Variants in MLLT1 observed in about 807,000 individuals in gnomAD.
The protein encoded by MLLT1 is protein ENL.
Under a neutral mutation model 55.1 loss-of-function variants are expected in MLLT1, and 11 were observed. That is an observed-to-expected ratio of 0.20 (90% confidence interval 0.13 to 0.33). The LOEUF (loss-of-function observed/expected upper bound fraction) is 0.33. Among genes scored for constraint, MLLT1 ranks in the 10% least tolerant of loss-of-function variants. The probability of loss-of-function intolerance (pLI) is 1.00; values close to 1 mark genes in which losing one functional copy is unlikely to be tolerated. For missense variants in MLLT1, 536 were observed against 760.6 expected (o/e 0.70, Z 3.47); for synonymous variants, 323 against 320.1 (o/e 1.01, Z -0.10).
intron 1 of MLLT1, among the ~76,000 whole-genome samples, chr19:6,272,681 C>A (rs1467931592): frequency 6.6e-6 from 1 of 152,234 alleles, no homozygotes; most frequent in Non-Finnish European, 1.5e-5. Flanking sequence ...TATCTTGAAA[C>A]CACGGGACAG....
Position 6,213,926 on chromosome 19 carries a change from G to T in MLLT1, c.1407+13C>A. On this transcript the variant is annotated intron_variant, in intron 9 of 11. Coordinates refer to ENST00000252674, the MANE Select transcript of MLLT1 (RefSeq NM_005934.4). ...CCTCTGGTGCACCCCCTGCCTGCAG[G>T]CCCCAGGCTCACCTTGCTGTTGGGC... 6.9e-7 allele frequency: 1 copy of T among 1,452,340 alleles called. No homozygotes were observed. The highest frequency in any genetic ancestry group is 9.2e-7 in the Non-Finnish European group (1 of 1,085,044). 90.0% of individuals were successfully genotyped at this position (1,452,340 alleles called of 1,614,324 possible).
At chr19:6,215,540 T>G (rs1354414700) in intron 8 of MLLT1, among the ~76,000 whole-genome samples, 3 of 152,190 alleles carry the variant, frequency 2.0e-5, no homozygotes, top group Non-Finnish European at 4.4e-5. Context: ...CCTGCTGGCC[T>G]GGCGCGCTGC....
At chr19:6,254,841 G>C (rs1407638783) in intron 3 of MLLT1, among the ~76,000 whole-genome samples, 4 of 152,192 alleles carry the variant, frequency 2.6e-5, no homozygotes, top group Non-Finnish European at 5.9e-5. Context: ...ACACTGTGCT[G>C]CATGTTCTAG....
At chr19:6,236,242 C>T (rs2091059814) in intron 3 of MLLT1, among the ~76,000 whole-genome samples, 1 of 152,220 alleles carries the variant, frequency 6.6e-6, no homozygotes, top group East Asian at 1.9e-4. Context: ...TACCGTGTCA[C>T]AGTGTCTGCA....
chr19:6,221,186 C>T (rs1357745604), intron 6 of MLLT1, among the ~76,000 whole-genome samples: 10 of 152,196 alleles, frequency 6.6e-5, no homozygotes, highest in Non-Finnish European at 1.5e-4. Context: ...TCCTTGAGGG[C>T]AAGCCGGACC....
chr19:6,246,670 G>A (rs781681636), intron 3 of MLLT1, among the ~76,000 whole-genome samples: 38 of 152,096 alleles, frequency 2.5e-4, no homozygotes, highest in Non-Finnish European at 3.7e-4. Context: ...AGTGGGAATC[G>A]GAGTGGGGGA....
At chr19:6,245,244 CCTTT>C (rs751504484) in intron 3 of MLLT1, among the ~76,000 whole-genome samples, 1,603 of 146,760 alleles carry the variant, frequency 0.011, 32 homozygotes, top group Non-Finnish European at 0.017. Context: ...TTCCATCTTT[CCTTT>C]CTTTCTTTCT....
chr19:6,216,342 C>T, intron 8 of MLLT1, 63 bp downstream of exon 8: 1 of 1,226,194 alleles, frequency 8.2e-7, no homozygotes, highest in Non-Finnish European at 1.2e-6. Flanking sequence ...ACAATCACTG[C>T]AGACCCAGCC....
rs905149448 is a variant in MLLT1 at position 6,230,276 on chromosome 19, G to T, written c.420+294C>A. ...ACAAGCCAGCTCCAGGCCCAGCCACGCGGTCAGACCAGCCTCGCGCCCATC... is the reference window on the plus strand; with the variant it reads ...ACAAGCCAGCTCCAGGCCCAGCCACTCGGTCAGACCAGCCTCGCGCCCATC... On this transcript the variant is annotated intron_variant, in intron 4 of 11. Coordinates refer to ENST00000252674, the MANE Select transcript of MLLT1 (RefSeq NM_005934.4). This position sits in a 1 kb window ranked among gnomAD's most constrained non-coding sequence, Gnocchi z 9.0. Among the ~76,000 whole-genome samples, 7 of 152,186 alleles carry T rather than the reference G, an allele frequency of 4.6e-5. No individual in the cohort carries two copies.
chr19:6,231,280 G>A lies in MLLT1; in HGVS notation c.277-567C>T, dbSNP rs1417964331. Among the ~76,000 whole-genome samples the A allele has an allele frequency of 6.6e-6, 1 of 152,196 alleles. No homozygotes were observed. Among genetic ancestry groups the A allele is most frequent in the East Asian group, 1.9e-4 (1 of 5,178 alleles). ...CGCACCCTCGCCACCCCAGAAGACA[G>A]GGACGCTCGCCTGGCATGGGGCAGG... On this transcript the variant is annotated intron_variant, in intron 3 of 11. Coordinates refer to ENST00000252674, the MANE Select transcript of MLLT1 (RefSeq NM_005934.4). The surrounding 1 kb of genome is among the most constrained non-coding windows in gnomAD (Gnocchi z 5.1).
At chr19:6,267,330 T>C (rs1568297215) in intron 2 of MLLT1, among the ~76,000 whole-genome samples, 1 of 151,680 alleles carries the variant, frequency 6.6e-6, no homozygotes, top group Non-Finnish European at 1.5e-5. Flanking sequence ...TCTTGAATTC[T>C]TGACCTCAGG....
chr19:6,251,434 AC>A (rs1288248447), intron 3 of MLLT1, among the ~76,000 whole-genome samples: 7 of 152,324 alleles, frequency 4.6e-5, no homozygotes, highest in African/African-American at 1.4e-4. Context: ...TCCATGCTAG[AC>A]GCCAGACGAG....
chr19:6,276,443 G>A (rs1410198601), intron 1 of MLLT1, among the ~76,000 whole-genome samples: 1 of 152,152 alleles, frequency 6.6e-6, no homozygotes, highest in Non-Finnish European at 1.5e-5. Flanking sequence ...TGAGGCAGCT[G>A]CTCTCAAACC....
chr19:6,251,621 C>G (rs2091214984), intron 3 of MLLT1, among the ~76,000 whole-genome samples: 1 of 152,156 alleles, frequency 6.6e-6, no homozygotes, highest in Non-Finnish European at 1.5e-5. Context: ...GTCAACTTGA[C>G]TGAATTAAGA....
chr19:6,221,277 G>A (rs543218193), intron 6 of MLLT1, among the ~76,000 whole-genome samples: 9 of 152,146 alleles, frequency 5.9e-5, no homozygotes, highest in South Asian at 2.1e-4. Flanking sequence ...CATTTTTACC[G>A]GGCCCAGTGT....
chr19:6,225,349 C>T (rs906008184), intron 5 of MLLT1, among the ~76,000 whole-genome samples: 7 of 152,196 alleles, frequency 4.6e-5, no homozygotes, highest in Non-Finnish European at 8.8e-5. Flanking sequence ...GCTCAGGGAG[C>T]CCTGCTGAGG....
At chr19:6,245,538 G>A (rs1023960874) in intron 3 of MLLT1, among the ~76,000 whole-genome samples, 48 of 151,966 alleles carry the variant, frequency 3.2e-4, no homozygotes, top group Non-Finnish European at 4.7e-4. Flanking sequence ...GTGAAACCCC[G>A]TCTCTACTAA....
At position 6,231,793 on chromosome 19, in the gene MLLT1, G is replaced by A. The variant is rs543132718; in HGVS notation, c.277-1080C>T. On this transcript the variant is annotated intron_variant, in intron 3 of 11. Transcript: ENST00000252674. This position sits in a 1 kb window ranked among gnomAD's most constrained non-coding sequence, Gnocchi z 5.1. Reference sequence around the variant, plus strand: ...TGGGATTACAGGTGTGAGCCACCGCGCCCAGCTGAAGCAAGACAATTTCAT... The same window carrying A: ...TGGGATTACAGGTGTGAGCCACCGCACCCAGCTGAAGCAAGACAATTTCAT... Among the ~76,000 whole-genome samples, 3 of 152,088 alleles carry A rather than the reference G, an allele frequency of 2.0e-5. No homozygotes were observed. Among genetic ancestry groups the A allele is most frequent in the Non-Finnish European group, 2.9e-5 (2 of 68,012 alleles).
At chr19:6,215,166 C>T (rs962436293) in intron 8 of MLLT1, among the ~76,000 whole-genome samples, 3 of 152,232 alleles carry the variant, frequency 2.0e-5, no homozygotes, top group African/African-American at 7.2e-5. Context: ...CTCCCTGCCC[C>T]GGCAACGCAG....
Sources: allele counts gnomAD v4.1 joint callset (sites outside exome capture counted in the v4.1 genomes callset), GRCh38; gene constraint gnomAD v4.1.1; non-coding constraint Gnocchi (gnomAD v3.1); transcripts MANE v1.5; gene names NCBI Gene and HGNC (gene_info 2026-07-23, HGNC 2026-07-21).